TRPM7: variants seen among roughly 807,000 people sequenced by gnomAD.
The protein encoded by TRPM7 is LTRPC ion channel family member 7.
A neutral mutation model predicts 229.7 loss-of-function variants in TRPM7; 134 were observed. The ratio of observed to expected loss-of-function variants is 0.58; its 90% CI spans 0.51 to 0.67. The LOEUF (loss-of-function observed/expected upper bound fraction) is 0.67, where lower values mean the gene tolerates loss of function less well. Ranked by LOEUF, TRPM7 falls within the 30% of genes least tolerant of loss-of-function variation. The pLI, the probability that TRPM7 is intolerant of heterozygous loss-of-function variation, is 0.00. For missense variants in TRPM7, 1,901 were observed against 2,210.0 expected (o/e 0.86, Z 2.80); for synonymous variants, 699 against 715.2 (o/e 0.98, Z 0.36).
intron 3 of TRPM7, among the ~76,000 whole-genome samples, chr15:50,654,884 C>T (rs2061516393): frequency 6.7e-6 from 1 of 149,928 alleles, no homozygotes; most frequent in East Asian, 2.0e-4. Flanking sequence ...ACCTGTAGTC[C>T]CAGCTACTCG....
chr15:50,648,030 C>G (rs898107034), intron 4 of TRPM7, among the ~76,000 whole-genome samples: 1 of 152,152 alleles, frequency 6.6e-6, no homozygotes, highest in Non-Finnish European at 1.5e-5. Flanking sequence ...TCCTTCCACC[C>G]TCTCAAAAGT....
intron 3 of TRPM7, among the ~76,000 whole-genome samples, chr15:50,653,874 G>T (rs1357652762): frequency 6.6e-6 from 1 of 152,080 alleles, no homozygotes; most frequent in Non-Finnish European, 1.5e-5. Flanking sequence ...GTCTGTGAAC[G>T]GGGTCCTAAA....
At chr15:50,568,006 G>C (rs1489479414) in intron 38 of TRPM7, among the ~76,000 whole-genome samples, 1 of 151,094 alleles carries the variant, frequency 6.6e-6, no homozygotes, top group Non-Finnish European at 1.5e-5. Flanking sequence ...GTGAACCCGG[G>C]AGGTGGAGCT....
chr15:50,634,326 A>AAAAT (rs140256469), intron 8 of TRPM7, 56 bp downstream of exon 8: 333 of 1,216,886 alleles, frequency 2.7e-4, no homozygotes, highest in East Asian at 1.3e-3. Context: ...CTCCGTATCA[A>AAAAT]AAATAAATAA....
intron 2 of TRPM7, 93 bp from the exon 3 acceptor site, chr15:50,657,912 AT>A: frequency 5.6e-6 from 5 of 898,368 alleles, no homozygotes; most frequent in Non-Finnish European, 8.6e-6. Flanking sequence ...AACAAAAAAA[AT>A]TATATACCTA....
chr15:50,612,963 T>G (rs1447363459), intron 15 of TRPM7, 134 bp from the exon 16 acceptor site: 3 of 717,308 alleles, frequency 4.2e-6, no homozygotes, highest in African/African-American at 1.8e-5. Context: ...TTTTATAAAC[T>G]TGATTTTTAT....
chr15:50,672,366 AT>A (rs879888255), intron 1 of TRPM7, among the ~76,000 whole-genome samples: 113 of 145,078 alleles, frequency 7.8e-4, no homozygotes, highest in Middle Eastern at 3.6e-3. Context: ...ACTCCTACCT[AT>A]TTTTTTTTTT....
chr15:50,586,958 G>C (rs972019196), intron 27 of TRPM7, among the ~76,000 whole-genome samples: 2 of 152,152 alleles, frequency 1.3e-5, no homozygotes, highest in African/African-American at 4.8e-5. Flanking sequence ...GTAGGGTGCA[G>C]TGAGCCAAGA....
intron 29 of TRPM7, among the ~76,000 whole-genome samples, chr15:50,582,835 TGAGTTCATA>T (rs1378900882): frequency 1.3e-5 from 2 of 152,184 alleles, no homozygotes; most frequent in Non-Finnish European, 2.9e-5. Context: ...TAGCTGGAAA[TGAGTTCATA>T]TAATTAGCTT....
At chr15:50,632,820 A>C (rs776606448) in intron 9 of TRPM7, 49 bp downstream of exon 9, 6 of 1,459,380 alleles carry the variant, frequency 4.1e-6, no homozygotes, top group Non-Finnish European at 4.5e-6. Context: ...TTTTGAATGA[A>C]AGAAAAATGG....
intron 3 of TRPM7, among the ~76,000 whole-genome samples, chr15:50,651,403 T>C (rs2061416112): frequency 6.6e-6 from 1 of 151,866 alleles, no homozygotes; most frequent in Non-Finnish European, 1.5e-5. Flanking sequence ...CCCAGCACTT[T>C]GGGAAGCCGA....
At position 50,559,515 on chromosome 15, in the gene TRPM7, A is replaced by G. The variant is rs1433609293; in HGVS notation, c.*2163T>C. 1 of 151,996 alleles carries G rather than the reference A, an allele frequency of 6.6e-6. No homozygotes were observed. Among genetic ancestry groups the G allele is most frequent in the African/African-American group, 2.4e-5 (1 of 41,374 alleles). 9.4% of individuals were successfully genotyped at this position (151,996 alleles called of 1,614,324 possible). A position where few individuals can be genotyped will look rare whatever the true frequency, so the allele number is the denominator to read the frequency against. On this transcript the variant is annotated 3_prime_UTR_variant, in exon 39 of 39. Transcript: ENST00000646667. ...ACCAAGACAAACAAAACAAAACAAA[A>G]CAAAACAAAACAAAACAAAAACAGT...
chr15:50,619,546 C>T (rs1324103518), intron 13 of TRPM7, among the ~76,000 whole-genome samples, 199 bp downstream of exon 13: 1 of 151,934 alleles, frequency 6.6e-6, no homozygotes, highest in Non-Finnish European at 1.5e-5. Flanking sequence ...CATAAACTCT[C>T]TTTTTTTCTT....
At chr15:50,614,025 A>T in intron 14 of TRPM7, 98 bp downstream of exon 14, 1 of 1,364,666 alleles carries the variant, frequency 7.3e-7, no homozygotes, top group South Asian at 1.4e-5. Flanking sequence ...ACTTTATGAC[A>T]GTGTAACCTT....
At chr15:50,665,804 G>C (rs142702088) in intron 1 of TRPM7, among the ~76,000 whole-genome samples, 2,398 of 152,110 alleles carry the variant, frequency 0.016, 67 homozygotes, top group African/African-American at 0.056. Context: ...AGACCAGCCT[G>C]ACCAACATGG....
At chr15:50,586,560 T>A in intron 27 of TRPM7, 72 bp from the exon 28 acceptor site, 2 of 927,746 alleles carry the variant, frequency 2.2e-6, no homozygotes, top group Non-Finnish European at 3.4e-6. Context: ...CTAAGTAGTA[T>A]TAGAGTCCCT....
intron 26 of TRPM7, among the ~76,000 whole-genome samples, chr15:50,591,662 A>C (rs944224226): frequency 1.3e-5 from 2 of 152,034 alleles, no homozygotes; most frequent in African/African-American, 4.8e-5. Context: ...GCGCCTGGCT[A>C]CTTCCAAAAA....
chr15:50,610,855 C>G (rs1037572414), intron 17 of TRPM7, among the ~76,000 whole-genome samples: 11 of 152,038 alleles, frequency 7.2e-5, no homozygotes, highest in African/African-American at 2.7e-4. Flanking sequence ...TGTTCCCCTT[C>G]TAGCTCAAAG....
intron 7 of TRPM7, among the ~76,000 whole-genome samples, chr15:50,635,646 G>C (rs2060875557): frequency 8.3e-6 from 1 of 121,130 alleles, no homozygotes; most frequent in Non-Finnish European, 1.6e-5. Context: ...CTGAGCAACA[G>C]AGCAAGACTC....
Sources: gnomAD v4.1 joint callset for allele counts (sites outside exome capture counted in the v4.1 genomes callset) on GRCh38, gnomAD v4.1.1 for gene constraint, MANE v1.5 for transcripts, NCBI Gene and HGNC (gene_info 2026-07-23, HGNC 2026-07-21) for gene names.